The following KDM4C variants were observed in gnomAD, a reference collection of about 807,000 sequenced individuals.
The protein encoded by KDM4C is lysine-specific demethylase 4C.
KDM4C carries 81 observed loss-of-function variants against 129.3 expected under a neutral mutation model. The ratio of observed to expected loss-of-function variants is 0.63; its 90% CI spans 0.52 to 0.75. The LOEUF is 0.75. Ranked by LOEUF, KDM4C falls within the 30% of genes least tolerant of loss-of-function variation. The probability of loss-of-function intolerance (pLI) is 0.00; values close to 1 mark genes in which losing one functional copy is unlikely to be tolerated. For synonymous variants in KDM4C, 573 were observed against 456.1 expected, an observed-to-expected ratio of 1.26 and a Z score of -3.26; for missense variants, 1,457 against 1,304.0, an observed-to-expected ratio of 1.12 and a Z score of -1.81.
intron 1 of KDM4C, among the ~76,000 whole-genome samples, chr9:6,731,338 T>TTG (rs1212230465): frequency 6.7e-6 from 1 of 149,340 alleles, no homozygotes; most frequent in Non-Finnish European, 1.5e-5. Flanking sequence ...TTTTTTTTTT[T>TTG]TTTTTGAGAC....
intron 8 of KDM4C, chr9:6,948,131 A>C: frequency 6.6e-6 from 1 of 152,304 alleles, no homozygotes; most frequent in South Asian, 2.1e-4. Flanking sequence ...AGAGATAATC[A>C]CCTATTTGAT....
At chr9:7,010,773 G>C (rs1242787080) in intron 12 of KDM4C, among the ~76,000 whole-genome samples, 1 of 152,234 alleles carries the variant, frequency 6.6e-6, no homozygotes, top group Non-Finnish European at 1.5e-5. Flanking sequence ...ACCAGGCTCA[G>C]TGGTTCATGC....
rs929167861 is a variant in KDM4C at position 6,778,159 on chromosome 9, G to A, written c.-17-14813G>A. ...GGCTGGAGTGCAGTGGCATGATCTC[G>A]TCTTACTGCAACCTCTGCCTCCTGG... On this transcript the variant is annotated intron_variant, in intron 1 of 21. Coordinates refer to ENST00000381309, the MANE Select transcript of KDM4C (RefSeq NM_015061.6). Among the ~76,000 whole-genome samples the A allele has an allele frequency of 5.2e-4, 78 of 150,126 alleles. 2 individuals are homozygous for A. Among genetic ancestry groups the A allele is most frequent in the South Asian group, 1.7e-3 (8 of 4,750 alleles).
chr9:6,832,528 C>A (rs1240402496), intron 4 of KDM4C, among the ~76,000 whole-genome samples: 1 of 132,776 alleles, frequency 7.5e-6, no homozygotes, highest in Non-Finnish European at 1.6e-5. Flanking sequence ...TGGGTTCACG[C>A]CATTCTCCTG....
intron 8 of KDM4C, among the ~76,000 whole-genome samples, chr9:6,955,677 T>C (rs1297872232): frequency 6.6e-6 from 1 of 152,236 alleles, no homozygotes; most frequent in Non-Finnish European, 1.5e-5. Flanking sequence ...TTTCTTCTTA[T>C]GTAAAATAGT....
chr9:6,816,512 T>C (rs1832117998), intron 4 of KDM4C, among the ~76,000 whole-genome samples: 1 of 152,226 alleles, frequency 6.6e-6, no homozygotes, highest in African/African-American at 2.4e-5. Context: ...TTTATATAAC[T>C]AGAATCATTC....
intron 17 of KDM4C, among the ~76,000 whole-genome samples, chr9:7,093,369 A>G (rs970453364): frequency 6.6e-6 from 1 of 152,204 alleles, no homozygotes; most frequent in South Asian, 2.1e-4. Flanking sequence ...TTTCATTATT[A>G]TTATAAAAAT....
intron 8 of KDM4C, chr9:6,974,639 T>C (rs1294574097): frequency 1.3e-5 from 2 of 152,218 alleles, no homozygotes; most frequent in Non-Finnish European, 2.9e-5. Flanking sequence ...ATTCCAGGCG[T>C]GACCCACCGC....
chr9:6,730,717 G>C (rs1213351465), intron 1 of KDM4C, among the ~76,000 whole-genome samples: 3 of 152,104 alleles, frequency 2.0e-5, no homozygotes, highest in African/African-American at 7.2e-5. Flanking sequence ...AGAGACTCCA[G>C]GGATGCCTCA....
At chr9:7,142,907 A>G (rs1244146363) in intron 19 of KDM4C, among the ~76,000 whole-genome samples, 1 of 152,202 alleles carries the variant, frequency 6.6e-6, no homozygotes, top group Non-Finnish European at 1.5e-5. Flanking sequence ...TGCACCTGGC[A>G]TCATATTAAC....
At chr9:6,925,157 A>T in intron 8 of KDM4C, 1 of 985,384 alleles carries the variant, frequency 1.0e-6, no homozygotes, top group South Asian at 4.7e-5. Flanking sequence ...GCCTCACTGG[A>T]AGTCCTTATC....
At chr9:6,721,010 C>T in intron 1 of KDM4C, 5 of 1,548,686 alleles carry the variant, frequency 3.2e-6, no homozygotes, top group Non-Finnish European at 4.4e-6. Context: ...GAGTGCTGCT[C>T]TGAACATAAT....
chr9:7,151,940 T>C (rs564571945), intron 19 of KDM4C, among the ~76,000 whole-genome samples: 3 of 152,352 alleles, frequency 2.0e-5, no homozygotes, highest in Admixed American at 6.5e-5. Flanking sequence ...ATTGGTTCTT[T>C]CGTTATACAC....
chr9:7,060,996 C>T (rs945489869), intron 17 of KDM4C, among the ~76,000 whole-genome samples: 2 of 152,150 alleles, frequency 1.3e-5, no homozygotes, highest in Non-Finnish European at 2.9e-5. Flanking sequence ...CTCAATCTGT[C>T]CGCCCATCCA....
At chr9:6,865,888 C>T (rs1378491327) in intron 5 of KDM4C, among the ~76,000 whole-genome samples, 1 of 152,190 alleles carries the variant, frequency 6.6e-6, no homozygotes, top group East Asian at 1.9e-4. Context: ...GTAGCTGGGA[C>T]TACAGGCGCC....
At chr9:7,044,402 CCTT>C (rs1246325477) in intron 15 of KDM4C, among the ~76,000 whole-genome samples, 7 of 151,868 alleles carry the variant, frequency 4.6e-5, no homozygotes, top group African/African-American at 1.2e-4. Flanking sequence ...GCATTAAAAA[CCTT>C]CTCTCATGGG....
intron 4 of KDM4C, among the ~76,000 whole-genome samples, chr9:6,821,739 G>A (rs1833064990): frequency 6.6e-6 from 1 of 151,912 alleles, no homozygotes; most frequent in Non-Finnish European, 1.5e-5. Context: ...GGTTCAAGCA[G>A]TTCTCCTGCC....
At chr9:7,030,692 C>T (rs998360800) in intron 15 of KDM4C, among the ~76,000 whole-genome samples, 2 of 152,166 alleles carry the variant, frequency 1.3e-5, no homozygotes, top group Non-Finnish European at 2.9e-5. Context: ...ATGCAAAGTA[C>T]ATTGTATTTT....
intron 19 of KDM4C, among the ~76,000 whole-genome samples, chr9:7,158,189 A>T (rs1843391854): frequency 6.6e-6 from 1 of 152,174 alleles, no homozygotes; most frequent in Non-Finnish European, 1.5e-5. Flanking sequence ...CTGTGGGATC[A>T]GTGGTGATAT....
Sources: allele counts gnomAD v4.1 joint callset (sites outside exome capture counted in the v4.1 genomes callset), GRCh38; gene constraint gnomAD v4.1.1; transcripts MANE v1.5; gene names NCBI Gene and HGNC (gene_info 2026-07-23, HGNC 2026-07-21).